The following USP36 variants were observed in gnomAD, a reference collection of about 807,000 sequenced individuals.
The protein encoded by USP36 is ubiquitin specific peptidase 36.
A neutral mutation model predicts 111.5 loss-of-function variants in USP36; 59 were observed. The ratio of observed to expected loss-of-function variants is 0.53; its 90% CI spans 0.43 to 0.66. The LOEUF is 0.66. USP36 is among the 30% of genes least tolerant of loss of function. The pLI is 0.00. For missense variants in USP36, 1,488 were observed against 1,468.0 expected (o/e 1.01, Z -0.22); for synonymous variants, 628 against 581.0 (o/e 1.08, Z -1.16).
At chr17:78,808,640 T>C (rs1361538790) in intron 13 of USP36, among the ~76,000 whole-genome samples, 1 of 152,222 alleles carries the variant, frequency 6.6e-6, no homozygotes, top group Non-Finnish European at 1.5e-5. Context: ...CTATATTGTC[T>C]CCAACTGTTG....
chr17:78,812,474 G>A (rs1342713344), intron 13 of USP36, among the ~76,000 whole-genome samples: 1 of 151,980 alleles, frequency 6.6e-6, no homozygotes, highest in African/African-American at 2.4e-5. Context: ...CAGATCCTGA[G>A]GTCAGGAGAT....
chr17:78,815,819 A>G (rs1014552052), intron 10 of USP36, among the ~76,000 whole-genome samples: 4 of 149,106 alleles, frequency 2.7e-5, no homozygotes, highest in South Asian at 2.1e-4. Context: ...TCGTATACAC[A>G]CATGCACACA....
intron 6 of USP36, among the ~76,000 whole-genome samples, chr17:78,825,401 G>A (rs750876928): frequency 1.3e-5 from 2 of 152,098 alleles, no homozygotes; most frequent in East Asian, 1.9e-4. Flanking sequence ...CTCACCATTG[G>A]TGTCATTCTT....
intron 7 of USP36, chr17:78,821,386 GAATATATA>G (rs2094315571): frequency 1.3e-5 from 1 of 78,372 alleles, no homozygotes; most frequent in South Asian, 2.4e-4. Context: ...TTCCTAATGA[GAATATATA>G]TATATATATA....
In USP36 at chr17:78,788,517, A is replaced by C. The variant is rs570283395; in HGVS notation, c.*21-859T>G. 3.9e-5 allele frequency among the ~76,000 whole-genome samples: 6 copies of C among 152,106 alleles called. No individual in the cohort carries two copies. The East Asian group carries it at 1.2e-3, about 29-fold the overall frequency. ...TATTTCGTTACCTTTATGTTCTCCC[A>C]GCTGGTTGGTGGGGCAGTGGGGGTG... On this transcript the variant is annotated intron_variant, in intron 3 of 3. Transcript: ENST00000588130.
chr17:78,834,642 C>T lies in USP36; in HGVS notation c.475+638G>A, dbSNP rs537825836. Among the ~76,000 whole-genome samples the T allele has an allele frequency of 3.9e-5, 6 of 152,238 alleles. No homozygotes were observed. The South Asian group carries it at 1.2e-3, about 32-fold the overall frequency. ...ATTTTTAGTAGAAACCGGGTTTCGC[C>T]ATGTTGGCCAGGCTGGTCTCCAACT... On this transcript the variant is annotated intron_variant, in intron 4 of 20. Coordinates refer to ENST00000449938, the MANE Select transcript of USP36 (RefSeq NM_001385174.1).
At position 78,807,340 on chromosome 17, in the gene USP36, C is replaced by A. The variant is rs1224815222; in HGVS notation, c.1704G>T (p.Arg568Ser). ...NSNSSRSGSQ[R>S]QGSWDSRDVV... ...CATCCCTGCTGTCCCAGGAGCCCTGCCTTTGGCTCCCAGATCTGCTGCTAT... is the reference window on the plus strand; with the variant it reads ...CATCCCTGCTGTCCCAGGAGCCCTGACTTTGGCTCCCAGATCTGCTGCTAT... Residue 568 changes from arginine (R) to serine (S), a missense_variant, in exon 14 of 21, where the codon AGG (arginine) becomes AGT (serine). By Grantham distance (110) the Arg-to-Ser change is moderately radical. Coordinates refer to ENST00000449938, the MANE Select transcript of USP36 (RefSeq NM_001385174.1). 1.2e-6 allele frequency: 2 copies of A among 1,614,104 alleles called. No individual in the cohort carries two copies. Among genetic ancestry groups the A allele is most frequent in the East Asian group, 2.2e-5 (1 of 44,894 alleles).
At chr17:78,810,295 A>G (rs1194713736) in intron 13 of USP36, among the ~76,000 whole-genome samples, 1 of 151,344 alleles carries the variant, frequency 6.6e-6, no homozygotes, top group East Asian at 2.0e-4. Context: ...GCTACTTTTT[A>G]AATTTGTTTT....
At position 78,802,967 on chromosome 17, in the gene USP36, G is replaced by C. The variant is rs114243243; in HGVS notation, c.2810+418C>G. On this transcript the variant is annotated intron_variant, in intron 16 of 20. Transcript: ENST00000449938. ...TCTTTTTTCTTTTTTTTTAGACAGGGTTTAGCTGTCACCCAGGCTGTAGTG... is the reference window on the plus strand; with the variant it reads ...TCTTTTTTCTTTTTTTTTAGACAGGCTTTAGCTGTCACCCAGGCTGTAGTG... 1.7e-3 allele frequency among the ~76,000 whole-genome samples: 260 copies of C among 151,892 alleles called. 1 individual carries two copies. The highest frequency in any genetic ancestry group is 5.7e-3 in the African/African-American group (236 of 41,418).
intron 9 of USP36, among the ~76,000 whole-genome samples, chr17:78,819,355 TGAGTTCAGGA>T (rs1194047912): frequency 6.6e-6 from 1 of 152,240 alleles, no homozygotes. Flanking sequence ...GAAGATCACC[TGAGTTCAGGA>T]GTTCGAGACC....
intron 4 of USP36, among the ~76,000 whole-genome samples, chr17:78,834,633 G>A (rs1167214758): frequency 2.0e-4 from 31 of 151,996 alleles, no homozygotes; most frequent in Admixed American, 2.0e-3. Context: ...AGTAGAAACC[G>A]GGTTTCGCCA....
In USP36 at chr17:78,811,761, G is replaced by A. The variant is rs975137289; in HGVS notation, c.1407+1099C>T. Reference sequence around the variant, plus strand: ...CACACGCCTGTAGTCCCAGCTACTCGGGAGGCTGAGGCAGGAGAATCGCTT... The same window carrying A: ...CACACGCCTGTAGTCCCAGCTACTCAGGAGGCTGAGGCAGGAGAATCGCTT... On this transcript the variant is annotated intron_variant, in intron 13 of 20. Coordinates refer to ENST00000449938, the MANE Select transcript of USP36 (RefSeq NM_001385174.1). Among the ~76,000 whole-genome samples the A allele has an allele frequency of 3.9e-5, 6 of 152,198 alleles. No individual in the cohort carries two copies. In the South Asian group the frequency reaches 6.2e-4, roughly 16 times the overall value.
intron 10 of USP36, 77 bp downstream of exon 10, chr17:78,818,590 G>A (rs574998122): frequency 1.5e-6 from 2 of 1,294,086 alleles, no homozygotes; most frequent in East Asian, 2.3e-5. Context: ...CAAACTCGTG[G>A]CTATCACTTT....
chr17:78,788,556 A>C (rs985058841), intron 3 of USP36, among the ~76,000 whole-genome samples: 2 of 151,906 alleles, frequency 1.3e-5, no homozygotes, highest in African/African-American at 4.9e-5. Context: ...AGCTTCCAGA[A>C]GGTGCAAGCT....
chr17:78,812,307 G>A (rs1301791702), intron 13 of USP36, among the ~76,000 whole-genome samples: 2 of 152,140 alleles, frequency 1.3e-5, no homozygotes, highest in Non-Finnish European at 2.9e-5. Flanking sequence ...GAACAGATCT[G>A]TGAATGACAA....
chr17:78,788,705 C>T (rs2093556381), intron 3 of USP36, among the ~76,000 whole-genome samples: 1 of 152,076 alleles, frequency 6.6e-6, no homozygotes, highest in African/African-American at 2.4e-5. Flanking sequence ...GACTCGGGTC[C>T]ATGGGGTAGG....
intron 11 of USP36, 88 bp from the exon 12 acceptor site, chr17:78,813,961 T>C: frequency 8.9e-7 from 1 of 1,118,082 alleles, no homozygotes; most frequent in Non-Finnish European, 1.3e-6. Flanking sequence ...AAAAAATCTG[T>C]TAGTTGCTAC....
At chr17:78,838,169 C>A (rs997936507) in intron 2 of USP36, among the ~76,000 whole-genome samples, 5 of 151,828 alleles carry the variant, frequency 3.3e-5, no homozygotes, top group Admixed American at 2.0e-4. Flanking sequence ...ATCAGGAGGT[C>A]AGGAATTCAA....
downstream of USP36, among the ~76,000 whole-genome samples, chr17:78,791,458 C>T (rs1367315591): frequency 6.6e-6 from 1 of 152,202 alleles, no homozygotes; most frequent in East Asian, 1.9e-4. Context: ...TCAAACCTGA[C>T]TCCAGCCTGA....
Sources: allele counts gnomAD v4.1 joint callset (sites outside exome capture counted in the v4.1 genomes callset), GRCh38; gene constraint gnomAD v4.1.1; transcripts MANE v1.5; gene names NCBI Gene and HGNC (gene_info 2026-07-23, HGNC 2026-07-21).